NDNF: variants seen among roughly 807,000 people sequenced by gnomAD.
The protein encoded by NDNF is neuron derived neurotrophic factor, also known as protein NDNF.
Under a neutral mutation model 42.0 loss-of-function variants are expected in NDNF, and 16 were observed. The observed-to-expected ratio is 0.38, with a 90% CI of 0.26 to 0.58. The LOEUF (loss-of-function observed/expected upper bound fraction) is 0.58. Ranked by LOEUF, NDNF falls within the 20% of genes least tolerant of loss-of-function variation. The pLI, the probability that NDNF is intolerant of heterozygous loss-of-function variation, is 0.67. For missense variants in NDNF, 616 were observed against 666.2 expected (o/e 0.92, Z 0.83); for synonymous variants, 248 against 251.7 (o/e 0.99, Z 0.14).
chr4:121,039,763 T>G (rs1457079846), intron 3 of NDNF, among the ~76,000 whole-genome samples, 167 bp downstream of exon 3: 4 of 152,192 alleles, frequency 2.6e-5, no homozygotes, highest in African/African-American at 9.6e-5. Context: ...TCAGGATCAG[T>G]GTCATCTGAT....
At chr4:121,045,566 C>T (rs1300115725) in intron 2 of NDNF, 84 bp downstream of exon 2, 7 of 1,208,074 alleles carry the variant, frequency 5.8e-6, no homozygotes, top group Non-Finnish European at 8.3e-6. Flanking sequence ...TGTAAATTAC[C>T]TAAACTAAGT....
intron 3 of NDNF, among the ~76,000 whole-genome samples, chr4:121,038,411 T>TA (rs1272945498): frequency 3.8e-5 from 5 of 130,060 alleles, no homozygotes; most frequent in African/African-American, 8.6e-5. Flanking sequence ...CAAAACAAAA[T>TA]AAAAAAAGAA....
chr4:121,065,454 G>A (rs1244622103), intron 1 of NDNF, among the ~76,000 whole-genome samples: 1 of 151,930 alleles, frequency 6.6e-6, no homozygotes, highest in Non-Finnish European at 1.5e-5. Context: ...GTTTAAAAGA[G>A]TATCTTGTAT....
chr4:121,062,119 C>T (rs1316970569), intron 1 of NDNF, among the ~76,000 whole-genome samples: 3 of 152,170 alleles, frequency 2.0e-5, no homozygotes, highest in Non-Finnish European at 4.4e-5. Flanking sequence ...GTTTCAGCAT[C>T]AGATTATTCC....
chr4:121,039,218 A>AGAC lies in NDNF; in HGVS notation c.313+711_313+712insGTC, dbSNP rs368947540. On this transcript the variant is annotated intron_variant, in intron 3 of 3. Coordinates refer to ENST00000379692, the MANE Select transcript of NDNF (RefSeq NM_024574.4). Reference sequence around the variant, plus strand: ...TATATATATATATATATATATATATATATATATATATATATATAAAGACTA... The same window carrying AGAC: ...TATATATATATATATATATATATATAGACTATATATATATATATATAAAGACTA... Among the ~76,000 whole-genome samples the AGAC allele has an allele frequency of 2.9e-4, 12 of 41,436 alleles. 1 individual carries two copies. The highest frequency in any genetic ancestry group is 6.2e-4 in the Admixed American group (2 of 3,224). 27.2% of individuals were successfully genotyped at this position (41,436 alleles called of 152,430 possible). A position where few individuals can be genotyped will look rare whatever the true frequency, so the allele number is the denominator to read the frequency against.
At chr4:121,039,182 GTGTGTGTGTGTATATA>G (rs1309047902) in intron 3 of NDNF, among the ~76,000 whole-genome samples, 241 of 13,806 alleles carry the variant, frequency 0.017, 5 homozygotes, top group South Asian at 0.057. Context: ...AAGACTATGT[GTGTGTGTGTGTATATA>G]TATATATATA....
intron 1 of NDNF, among the ~76,000 whole-genome samples, chr4:121,047,238 T>C (rs575896983): frequency 6.6e-5 from 10 of 152,328 alleles, no homozygotes; most frequent in Non-Finnish European, 1.2e-4. Flanking sequence ...GAGAGTTGGA[T>C]TTTTCACAAC....
chr4:121,058,799 C>T (rs1279141308), intron 1 of NDNF, among the ~76,000 whole-genome samples: 1 of 152,148 alleles, frequency 6.6e-6, no homozygotes, highest in Admixed American at 6.5e-5. Flanking sequence ...CTCTCATACC[C>T]ATTTCCAATA....
chr4:121,044,276 A>C lies in NDNF; in HGVS notation c.188+1374T>G, dbSNP rs78064005. ...TGATTACTGTTAATCAAAACTGAAA[A>C]GATGACTAATGATCTGATATATCTC... On this transcript the variant is annotated intron_variant, in intron 2 of 3. Coordinates refer to ENST00000379692, the MANE Select transcript of NDNF (RefSeq NM_024574.4). Among the ~76,000 whole-genome samples the C allele has an allele frequency of 7.2e-5, 11 of 152,288 alleles. No individual in the cohort carries two copies. The East Asian group carries it at 2.1e-3, about 29-fold the overall frequency.
chr4:121,071,288 G>T (rs982630227), intron 1 of NDNF: 2 of 152,062 alleles, frequency 1.3e-5, no homozygotes, highest in African/African-American at 4.8e-5. Flanking sequence ...AGTATGAGCC[G>T]GTCCCAGGCC....
chr4:121,049,901 A>C (rs1340609082), intron 1 of NDNF, among the ~76,000 whole-genome samples: 1 of 152,218 alleles, frequency 6.6e-6, no homozygotes, highest in Non-Finnish European at 1.5e-5. Flanking sequence ...TGGACCCCAA[A>C]CACAGGAATT....
chr4:121,048,847 A>C (rs140075284), intron 1 of NDNF, among the ~76,000 whole-genome samples: 2 of 152,216 alleles, frequency 1.3e-5, no homozygotes, highest in Non-Finnish European at 2.9e-5. Context: ...AAAAGAAAAA[A>C]AAATCTGAGA....
intron 3 of NDNF, among the ~76,000 whole-genome samples, chr4:121,039,144 T>TATATATATATATAC (rs70948374): frequency 0.051 from 1,162 of 22,758 alleles, 155 homozygotes; most frequent in Non-Finnish European, 0.075. Flanking sequence ...TATATATATG[T>TATATATATATATAC]GTATATATAT....
Position 121,037,540 on chromosome 4 carries a change from C to T in NDNF, c.431G>A (p.Gly144Asp). The T allele has an allele frequency of 1.9e-6, 3 of 1,613,842 alleles. No homozygotes were observed. Among genetic ancestry groups the T allele is most frequent in the Non-Finnish European group, 2.5e-6 (3 of 1,179,818 alleles). ...EYFISSSSPSGLYQLDLLSTE... is the reference protein window; with the variant it reads ...EYFISSSSPSDLYQLDLLSTE... ...TGAAAGAAGATCCAACTGATATAAA[C>T]CGGATGGGGAACTAGACGATATAAA... Residue 144 changes from glycine to aspartate, a missense_variant, in exon 4 of 4, where the codon GGT (glycine) becomes GAT (aspartate). Gly to Asp is a moderately conservative substitution (Grantham distance 94). Transcript: ENST00000379692.
At position 121,055,462 on chromosome 4, in the gene NDNF, A is replaced by C. The variant is rs568079487; in HGVS notation, c.-1-9624T>G. 8.5e-5 allele frequency among the ~76,000 whole-genome samples: 13 copies of C among 152,314 alleles called. No homozygotes were observed. The South Asian group carries it at 2.7e-3, about 32-fold the overall frequency. ...GATTATAGGAACGTGCATATGATAA[A>C]ATGACAAACAGAAAGTACTGCAAAG... is the stretch of plus-strand genomic sequence containing the variant. On this transcript the variant is annotated intron_variant, in intron 1 of 3. Transcript: ENST00000379692.
rs1726850729 is a variant in NDNF at position 121,035,698 on chromosome 4, A to T, written c.*566T>A. ...TGTATGTCAACTTTGTACATGAGAT[A>T]CATATAGTATTTAAACATTTTACTC... On this transcript the variant is annotated 3_prime_UTR_variant, in exon 4 of 4. Coordinates refer to ENST00000379692, the MANE Select transcript of NDNF (RefSeq NM_024574.4). The T allele has an allele frequency of 6.6e-6, 1 of 152,570 alleles. No homozygotes were observed. 9.5% of individuals were successfully genotyped at this position (152,570 alleles called of 1,614,324 possible).
At chr4:121,070,969 G>C (rs926775571) in intron 1 of NDNF, among the ~76,000 whole-genome samples, 3 of 152,158 alleles carry the variant, frequency 2.0e-5, no homozygotes, top group Admixed American at 6.5e-5. Flanking sequence ...GGGAACTGCC[G>C]GGAGCTCTCA....
chr4:121,069,936 A>G (rs969173574), intron 1 of NDNF, among the ~76,000 whole-genome samples: 3 of 152,236 alleles, frequency 2.0e-5, no homozygotes, highest in Non-Finnish European at 4.4e-5. Context: ...AATTGGGACC[A>G]TAATTAATTA....
rs201470920 is a variant in NDNF, at chr4:121,036,964, T to C, written c.1007A>G (p.Glu336Gly). 1.2e-6 allele frequency: 2 copies of C among 1,613,980 alleles called. No individual in the cohort carries two copies. Among genetic ancestry groups the C allele is most frequent in the African/African-American group, 1.3e-5 (1 of 75,002 alleles). The change falls in exon 4 of 4, where the codon GAA (glutamate) becomes GGA (glycine). Residue 336 changes from glutamate (E) to glycine (G), a missense_variant. Transcript: ENST00000379692. The stretch of plus-strand genomic sequence containing the variant: ...CTCGACTGTCTTCTGTTTGGCTTCT[T>C]CCTTGGTCCTGGCAAAGGTACCTAC... ...AYVGTFARTKEEAKQKTVELK... is the reference protein window; with the variant it reads ...AYVGTFARTKGEAKQKTVELK...
Sources: gnomAD v4.1 joint callset for allele counts (sites outside exome capture counted in the v4.1 genomes callset) on GRCh38, gnomAD v4.1.1 for gene constraint, MANE v1.5 for transcripts, NCBI Gene and HGNC (gene_info 2026-07-23, HGNC 2026-07-21) for gene names.